The following RNMT variants were observed in gnomAD, a reference collection of about 807,000 sequenced individuals.
RNMT encodes RNA guanine-7 methyltransferase, also known as mRNA cap guanine-N(7) methyltransferase.
In RNMT, 27 loss-of-function variants were observed where a neutral mutation model predicts 56.0. The observed-to-expected ratio is 0.48, with a 90% CI of 0.36 to 0.67. The LOEUF is 0.67. Ranked by LOEUF, RNMT falls within the 30% of genes least tolerant of loss-of-function variation. The pLI, the probability that RNMT is intolerant of heterozygous loss-of-function variation, is 0.00. For synonymous variants in RNMT, 184 were observed against 176.2 expected, an observed-to-expected ratio of 1.04 and a Z score of -0.35; for missense variants, 519 against 552.1, an observed-to-expected ratio of 0.94 and a Z score of 0.60.
At chr18:13,729,160 G>A (rs1296355917) in intron 1 of RNMT, among the ~76,000 whole-genome samples, 1 of 152,208 alleles carries the variant, frequency 6.6e-6, no homozygotes, top group Non-Finnish European at 1.5e-5. Context: ...GTGAGAGAGA[G>A]TGGTCTAGAT....
At chr18:13,739,070 A>G (rs963313904) in intron 5 of RNMT, among the ~76,000 whole-genome samples, 6 of 152,110 alleles carry the variant, frequency 3.9e-5, no homozygotes, top group Non-Finnish European at 7.4e-5. Context: ...CACTTTGTTC[A>G]TTTTCAAGAA....
intron 8 of RNMT, among the ~76,000 whole-genome samples, chr18:13,743,302 G>A (rs1455470626): frequency 1.4e-5 from 2 of 138,980 alleles, no homozygotes; most frequent in African/African-American, 5.4e-5. Context: ...CAGCCTGGGC[G>A]ACAGAGCGAA....
In RNMT at chr18:13,762,454, C is replaced by T; in HGVS notation, c.*2475C>T. On this transcript the variant is annotated 3_prime_UTR_variant, in exon 12 of 12. Coordinates refer to ENST00000383314, the MANE Select transcript of RNMT (RefSeq NM_003799.3). ...CACCATCAGGCTTGGCCCTGCTGTGCCTTCAGTACCCAGCCAGGTTCTCTG... is the reference window on the plus strand; with the variant it reads ...CACCATCAGGCTTGGCCCTGCTGTGTCTTCAGTACCCAGCCAGGTTCTCTG... 1 of 292,938 alleles carries T rather than the reference C, an allele frequency of 3.4e-6. No individual in the cohort carries two copies. Among genetic ancestry groups the T allele is most frequent in the Non-Finnish European group, 6.4e-6 (1 of 157,036 alleles). The allele number at this position is 292,938 out of a possible 1,614,324, so 18.1% of individuals were successfully genotyped here. A position where few individuals can be genotyped will look rare whatever the true frequency, so the allele number is the denominator to read the frequency against.
intron 10 of RNMT, among the ~76,000 whole-genome samples, chr18:13,753,552 A>T (rs1479582222): frequency 6.6e-6 from 1 of 152,098 alleles, no homozygotes; most frequent in Non-Finnish European, 1.5e-5. Flanking sequence ...CGGGCGGATC[A>T]CAACGTCAGG....
At chr18:13,759,644 A>T (rs1217172275) in intron 11 of RNMT, among the ~76,000 whole-genome samples, 2 of 152,046 alleles carry the variant, frequency 1.3e-5, no homozygotes, top group Admixed American at 1.3e-4. Flanking sequence ...TAATTTAGTT[A>T]TACTTTTATT....
chr18:13,728,630 C>T (rs546485079), intron 1 of RNMT, among the ~76,000 whole-genome samples: 31 of 152,170 alleles, frequency 2.0e-4, no homozygotes, highest in Admixed American at 4.6e-4. Flanking sequence ...GCCACCGTGA[C>T]GGCCTCAGCA....
chr18:13,741,060 A>G (rs2044243786), intron 6 of RNMT, among the ~76,000 whole-genome samples: 1 of 152,220 alleles, frequency 6.6e-6, no homozygotes, highest in African/African-American at 2.4e-5. Context: ...TGTTATAGAT[A>G]CCTTTAATCA....
intron 1 of RNMT, among the ~76,000 whole-genome samples, chr18:13,727,235 C>T (rs536136981): frequency 6.6e-6 from 1 of 152,360 alleles, no homozygotes; most frequent in African/African-American, 2.4e-5. Context: ...CCCTGGCGGC[C>T]TGCTCGCTCG....
Position 13,760,646 on chromosome 18 carries a change from T to A in RNMT, c.*667T>A, listed in dbSNP as rs549236588. On this transcript the variant is annotated 3_prime_UTR_variant, in exon 12 of 12. Coordinates refer to ENST00000383314, the MANE Select transcript of RNMT (RefSeq NM_003799.3). ...GCTTTCTTTTCAGAAATTGCTACCA[T>A]AGTAATTAATGTTTCCAGTTATCAA... The A allele has an allele frequency of 1.0e-6, 1 of 985,282 alleles. No homozygotes were observed. The highest frequency in any genetic ancestry group is 6.1e-5 in the Admixed American group (1 of 16,292). 61.0% of individuals were successfully genotyped at this position (985,282 alleles called of 1,614,324 possible).
intron 9 of RNMT, among the ~76,000 whole-genome samples, chr18:13,747,846 A>G (rs1256632985): frequency 6.6e-6 from 1 of 152,160 alleles, no homozygotes; most frequent in Non-Finnish European, 1.5e-5. Flanking sequence ...AGAGGAGAAA[A>G]CTAGCAAAAC....
intron 10 of RNMT, 45 bp from the exon 11 acceptor site, chr18:13,754,069 T>A: frequency 9.1e-7 from 1 of 1,096,966 alleles, no homozygotes; most frequent in Non-Finnish European, 1.4e-6. Context: ...TATGTTTACT[T>A]CCATATTGAA....
chr18:13,732,936 G>GT (rs144254768), intron 3 of RNMT, among the ~76,000 whole-genome samples: 2,149 of 151,538 alleles, frequency 0.014, 56 homozygotes, highest in African/African-American at 0.046. Context: ...TAATTTTTGT[G>GT]TTTTTTAGTA....
chr18:13,761,073 T>A lies in RNMT; in HGVS notation c.*1094T>A, dbSNP rs753913689. The A allele has an allele frequency of 4.3e-4, 424 of 985,120 alleles. No individual in the cohort carries two copies. The highest frequency in any genetic ancestry group is 4.7e-4 in the Non-Finnish European group (394 of 829,734). The allele number at this position is 985,120 out of a possible 1,614,324, so 61.0% of individuals were successfully genotyped here. A position where few individuals can be genotyped will look rare whatever the true frequency, so the allele number is the denominator to read the frequency against. ...CAATTGAGTATTCTTTTTTAAATTA[T>A]TAAGCCATGATTTACAAAAACATTA... On this transcript the variant is annotated 3_prime_UTR_variant, in exon 12 of 12. Transcript: ENST00000383314.
chr18:13,748,445 A>T (rs2044386933), intron 9 of RNMT, among the ~76,000 whole-genome samples: 1 of 152,118 alleles, frequency 6.6e-6, no homozygotes, highest in South Asian at 2.1e-4. Context: ...ATAATGGGGG[A>T]TGGTTTGGAG....
In RNMT at chr18:13,761,871, G is replaced by A; in HGVS notation, c.*1892G>A. The A allele has an allele frequency of 1.2e-6, 1 of 865,300 alleles. No individual in the cohort carries two copies. Among genetic ancestry groups the A allele is most frequent in the Non-Finnish European group, 1.4e-6 (1 of 736,384 alleles). 53.6% of individuals were successfully genotyped at this position (865,300 alleles called of 1,614,324 possible). On this transcript the variant is annotated 3_prime_UTR_variant, in exon 12 of 12. Transcript: ENST00000383314. ...CCCCTCCCCCCGGCCCCAAGCCCCTGTGTCTCCTTGTTACAATTAAGTTTC... is the reference window on the plus strand; with the variant it reads ...CCCCTCCCCCCGGCCCCAAGCCCCTATGTCTCCTTGTTACAATTAAGTTTC...
At chr18:13,732,854 C>T (rs534097013) in intron 3 of RNMT, among the ~76,000 whole-genome samples, 3 of 150,860 alleles carry the variant, frequency 2.0e-5, no homozygotes, top group African/African-American at 4.9e-5. Context: ...CTCCACCTCC[C>T]GGGTTCAAGC....
At chr18:13,737,552 A>T (rs1344762761) in intron 5 of RNMT, among the ~76,000 whole-genome samples, 1 of 152,168 alleles carries the variant, frequency 6.6e-6, no homozygotes, top group Non-Finnish European at 1.5e-5. Context: ...CGAAAAAAAA[A>T]AAATTAGTTA....
intron 3 of RNMT, among the ~76,000 whole-genome samples, chr18:13,733,421 A>G (rs142371711): frequency 6.7e-4 from 102 of 152,252 alleles, no homozygotes; most frequent in Admixed American, 2.2e-3. Flanking sequence ...TCTGTTGCCC[A>G]TGCTGGAGTG....
chr18:13,762,219 T>C lies in RNMT; in HGVS notation c.*2240T>C. On this transcript the variant is annotated 3_prime_UTR_variant, in exon 12 of 12. Transcript: ENST00000383314. The stretch of plus-strand genomic sequence containing the variant: ...TTGGTGGGAATGACGGAACTGGGGA[T>C]TGCGATGATTGATCTGGGAACATGG... 1 of 1,446,940 alleles carries C rather than the reference T, an allele frequency of 6.9e-7. No individual in the cohort carries two copies. The highest frequency in any genetic ancestry group is 2.5e-5 in the East Asian group (1 of 40,038). 89.6% of individuals were successfully genotyped at this position (1,446,940 alleles called of 1,614,324 possible). A position where few individuals can be genotyped will look rare whatever the true frequency, so the allele number is the denominator to read the frequency against.
Sources: allele counts gnomAD v4.1 joint callset (sites outside exome capture counted in the v4.1 genomes callset), GRCh38; gene constraint gnomAD v4.1.1; transcripts MANE v1.5; gene names NCBI Gene and HGNC (gene_info 2026-07-23, HGNC 2026-07-21).